Variants in PCDH11Y observed in about 807,000 individuals in gnomAD.
PCDH11Y encodes the protein protocadherin 11 Y-linked.
For synonymous variants in PCDH11Y, 9 were observed against 83.6 expected (o/e 0.11, Z 4.87); for missense variants, 12 against 224.8 (o/e 0.05, Z 6.05).
chrY:5,627,243 C>A, intron 4 of PCDH11Y, among the ~76,000 whole-genome samples: 2 of 31,836 alleles, frequency 6.3e-5, no homozygotes, highest in African/African-American at 2.5e-4. Context: ...GATCTGCCGA[C>A]CTCAGCCTCC....
chrY:5,401,486 G>A, intron 2 of PCDH11Y, among the ~76,000 whole-genome samples: 1 of 32,275 alleles, frequency 3.1e-5, no homozygotes, highest in Non-Finnish European at 7.6e-5. Flanking sequence ...GAATGTGCAG[G>A]TTTGTTACAT....
At chrY:5,297,173 G>T in intron 2 of PCDH11Y, among the ~76,000 whole-genome samples, 1 of 33,375 alleles carries the variant, frequency 3.0e-5, no homozygotes, top group African/African-American at 1.2e-4. Context: ...CGGAGCTAAG[G>T]CTTGGAATGA....
intron 2 of PCDH11Y, among the ~76,000 whole-genome samples, chrY:5,447,552 C>T: frequency 6.5e-5 from 2 of 30,955 alleles, no homozygotes; most frequent in Non-Finnish European, 1.6e-4. Context: ...CCTACCTGTT[C>T]GAGACAGCAT....
intron 2 of PCDH11Y, among the ~76,000 whole-genome samples, chrY:5,311,500 T>C (rs373837891): frequency 4.0e-3 from 90 of 22,649 alleles, no homozygotes; most frequent in East Asian, 0.012. Context: ...TATATATATA[T>C]ACACACACAC....
chrY:5,562,051 T>G, intron 3 of PCDH11Y, among the ~76,000 whole-genome samples: 1 of 34,021 alleles, frequency 2.9e-5, no homozygotes, highest in African/African-American at 1.1e-4. Flanking sequence ...TTTCATATTT[T>G]TTCATATCTT....
chrY:5,502,666 A>G, intron 3 of PCDH11Y, among the ~76,000 whole-genome samples: 5 of 33,539 alleles, frequency 1.5e-4, no homozygotes, highest in African/African-American at 4.6e-4. Context: ...ATCATAAGTA[A>G]CAAATACACA....
At chrY:5,327,544 A>G in intron 2 of PCDH11Y, among the ~76,000 whole-genome samples, 2 of 32,914 alleles carry the variant, frequency 6.1e-5, no homozygotes, top group Admixed American at 5.5e-4. Context: ...ATTGCCGTTG[A>G]GCGGGGTAAG....
chrY:5,455,382 C>T (rs1213516286), intron 2 of PCDH11Y, among the ~76,000 whole-genome samples: 69 of 33,591 alleles, frequency 2.1e-3, no homozygotes, highest in South Asian at 0.011. Context: ...AACTTCCAAA[C>T]TTTCCTCATC....
intron 4 of PCDH11Y, among the ~76,000 whole-genome samples, chrY:5,664,564 T>A: frequency 3.1e-5 from 1 of 31,780 alleles, no homozygotes; most frequent in African/African-American, 1.2e-4. Context: ...AAAGTCTCGT[T>A]TTTAGTATCA....
intron 2 of PCDH11Y, among the ~76,000 whole-genome samples, chrY:5,388,842 G>C: frequency 2.4e-4 from 8 of 33,981 alleles, no homozygotes; most frequent in Admixed American, 2.2e-3. Context: ...TTGATGCATA[G>C]ATTAAATTTT....
At chrY:5,238,922 A>G in intron 2 of PCDH11Y, among the ~76,000 whole-genome samples, 1 of 33,034 alleles carries the variant, frequency 3.0e-5, no homozygotes, top group Non-Finnish European at 7.4e-5. Flanking sequence ...AAGTCAGGAA[A>G]CAATAGGTGC....
chrY:5,217,406 T>C (rs1602888036), intron 2 of PCDH11Y, among the ~76,000 whole-genome samples: 1 of 33,684 alleles, frequency 3.0e-5, no homozygotes, highest in East Asian at 7.8e-4. Flanking sequence ...ACAGCTAATA[T>C]GTGGTGGAGC....
chrY:5,654,223 A>G, intron 4 of PCDH11Y, among the ~76,000 whole-genome samples: 2 of 33,191 alleles, frequency 6.0e-5, no homozygotes, highest in African/African-American at 2.4e-4. Flanking sequence ...CTAAAAAGTC[A>G]AAATACAACA....
At chrY:5,197,723 G>A (rs2124649363) in intron 2 of PCDH11Y, among the ~76,000 whole-genome samples, 1 of 20,478 alleles carries the variant, frequency 4.9e-5, no homozygotes, top group South Asian at 1.4e-3. Flanking sequence ...GTAAACTATC[G>A]CAAGAACAAA....
At chrY:5,570,371 T>C in intron 3 of PCDH11Y, among the ~76,000 whole-genome samples, 1 of 28,912 alleles carries the variant, frequency 3.5e-5, no homozygotes, top group Non-Finnish European at 8.3e-5. Context: ...TTTCACCACA[T>C]GGAAAATGTC....
At chrY:5,565,922 ATG>A (rs775358898) in intron 3 of PCDH11Y, among the ~76,000 whole-genome samples, 87 of 22,515 alleles carry the variant, frequency 3.9e-3, no homozygotes, top group Non-Finnish European at 6.1e-3. Flanking sequence ...TATAATATAG[ATG>A]TGTGTGTGTG....
chrY:5,089,428 G>A (rs2052737179), intron 1 of PCDH11Y, among the ~76,000 whole-genome samples: 1 of 32,079 alleles, frequency 3.1e-5, no homozygotes. Context: ...CAAAAACCAG[G>A]TCACTGAGAA....
intron 4 of PCDH11Y, among the ~76,000 whole-genome samples, chrY:5,678,757 T>C (rs2053555679): frequency 6.0e-5 from 2 of 33,215 alleles, no homozygotes; most frequent in Non-Finnish European, 1.5e-4. Context: ...GAAGAGACAG[T>C]CTTGAATTAC....
At chrY:5,575,472 TAG>T (rs2053445030) in intron 3 of PCDH11Y, among the ~76,000 whole-genome samples, 3 of 31,786 alleles carry the variant, frequency 9.4e-5, no homozygotes, top group Admixed American at 2.8e-4. Context: ...TTATGCAATA[TAG>T]AGACTTTATT....
Sources: gnomAD v4.1 joint callset for allele counts (sites outside exome capture counted in the v4.1 genomes callset) on GRCh38, gnomAD v4.1.1 for gene constraint, MANE v1.5 for transcripts, NCBI Gene and HGNC (gene_info 2026-07-23, HGNC 2026-07-21) for gene names.